DSP: variants seen among roughly 807,000 people sequenced by gnomAD.
The protein encoded by DSP is 250/210 kDa paraneoplastic pemphigus antigen.
DSP carries 114 observed loss-of-function variants against 290.6 expected under a neutral mutation model. The ratio of observed to expected loss-of-function variants is 0.39; its 90% CI spans 0.34 to 0.46. DSP has a LOEUF of 0.46. Among genes scored for constraint, DSP ranks in the 20% least tolerant of loss-of-function variants. The pLI is 0.99. For synonymous variants in DSP, 1,311 were observed against 1,316.4 expected (o/e 1.00, Z 0.09); for missense variants, 3,230 against 3,495.8 (o/e 0.92, Z 1.92).
At position 7,583,634 on chromosome 6, in the gene DSP, G is replaced by T. The variant is rs2113700140; in HGVS notation, c.6372G>T (p.Leu2124=). Residue 2124 remains leucine (L), a synonymous_variant, in exon 24 of 24, where the codon CTG becomes CTT. Transcript: ENST00000379802. The surrounding 1 kb of genome is among the most constrained non-coding windows in gnomAD (Gnocchi z 4.0). Reference sequence around the variant, plus strand: ...TTGATAGAGAAACCGGAATGCGCCTGCTGGAAGCCCAGATTGCTTCAGGGG... The same window carrying T: ...TTGATAGAGAAACCGGAATGCGCCTTCTGGAAGCCCAGATTGCTTCAGGGG... The part of the protein sequence containing the change: ...NLIDRETGMR[L]LEAQIASGGV... 2 of 1,614,202 alleles carry T rather than the reference G, an allele frequency of 1.2e-6. No homozygotes were observed.
rs1276338018 is a variant in DSP at position 7,569,334 on chromosome 6, C to T, written c.1568C>T (p.Ser523Phe). Reference sequence around the variant, plus strand: ...CCGAACCCACTGGCCGTGGACCTCTCTTGCAAGTAAGTCATCCAAGTTCCC... The same window carrying T: ...CCGAACCCACTGGCCGTGGACCTCTTTTGCAAGTAAGTCATCCAAGTTCCC... ...PPPNPLAVDLSCKIEQYYEAI... is the reference protein window; with the variant it reads ...PPPNPLAVDLFCKIEQYYEAI... The change falls in exon 12 of 24, where the codon TCT becomes TTT. Residue 523 changes from serine to phenylalanine, a missense_variant. Around this residue, in one of 5 missense-constraint regions of DSP, gnomAD observed 646 missense variants for 684.3 expected, o/e 0.94. Coordinates refer to ENST00000379802, the MANE Select transcript of DSP (RefSeq NM_004415.4). 1.2e-6 allele frequency: 2 copies of T among 1,614,190 alleles called. No homozygotes were observed. Among genetic ancestry groups the T allele is most frequent in the Admixed American group, 3.3e-5 (2 of 60,030 alleles).
chr6:7,586,116 G>T lies in DSP; in HGVS notation c.*238G>T, dbSNP rs775923330. 4.0e-6 allele frequency: 2 copies of T among 496,488 alleles called. No individual in the cohort carries two copies. Among genetic ancestry groups the T allele is most frequent in the Non-Finnish European group, 7.1e-6 (2 of 282,176 alleles). 30.8% of individuals were successfully genotyped at this position (496,488 alleles called of 1,614,324 possible). On this transcript the variant is annotated 3_prime_UTR_variant, in exon 24 of 24. Transcript: ENST00000379802. ...AGTGCGTCTGAAGTGCTAATCAGTT[G>T]TAACAATAGCACAAATCGAACTTAG...
At chr6:7,558,679 T>TA (rs1308943983) in intron 3 of DSP, among the ~76,000 whole-genome samples, 3 of 151,712 alleles carry the variant, frequency 2.0e-5, no homozygotes, top group South Asian at 2.1e-4. Context: ...CCTAGCAAAT[T>TA]AAAAAAAAAT....
Position 7,567,923 on chromosome 6 carries a change from A to C in DSP, c.1266+17A>C. 1.2e-6 allele frequency: 2 copies of C among 1,612,798 alleles called. No individual in the cohort carries two copies. The highest frequency in any genetic ancestry group is 1.7e-6 in the Non-Finnish European group (2 of 1,179,608). ...GAGCTGGAGGTATCGTCTCAGACCC[A>C]GAACCTCAGCAGCTGTGCCTGATCA... is the stretch of plus-strand genomic sequence containing the variant. On this transcript the variant is annotated intron_variant, in intron 10 of 23. Transcript: ENST00000379802.
At chr6:7,546,171 A>G (rs1998323) in intron 1 of DSP, among the ~76,000 whole-genome samples, 95,377 of 152,026 alleles carry the variant, frequency 0.63, 30,450 homozygotes, top group African/African-American at 0.72. Flanking sequence ...GGGTGAGGGC[A>G]GTGGATGGAA....
In DSP at chr6:7,565,150, A is replaced by G. The variant is rs1758820365; in HGVS notation, c.778-209A>G. ...GAGACGAGAGCGACAGTCCGTCTCA[A>G]AAAAAAAAAAGTTGCTGCCTTCTTG... On this transcript the variant is annotated intron_variant, in intron 6 of 23. Coordinates refer to ENST00000379802, the MANE Select transcript of DSP (RefSeq NM_004415.4). The surrounding 1 kb of genome is among the most constrained non-coding windows in gnomAD (Gnocchi z 4.2). Among the ~76,000 whole-genome samples, 1 of 149,978 alleles carries G rather than the reference A, an allele frequency of 6.7e-6. No individual in the cohort carries two copies. The highest frequency in any genetic ancestry group is 2.4e-5 in the African/African-American group (1 of 41,078).
chr6:7,567,507 A>G, intron 9 of DSP, 58 bp downstream of exon 9: 4 of 1,410,088 alleles, frequency 2.8e-6, no homozygotes, highest in Non-Finnish European at 4.0e-6. Flanking sequence ...TAATCTTTTG[A>G]GTGTGTTTTA....
At position 7,555,798 on chromosome 6, in the gene DSP, G is replaced by A. The variant is rs373736975; in HGVS notation, c.251G>A (p.Arg84Gln). 33 of 1,614,020 alleles carry A rather than the reference G, an allele frequency of 2.0e-5. No individual in the cohort carries two copies. The African/African-American group carries it at 2.1e-4, about 10-fold the overall frequency. ...CAGAACTGCTCCGACTGCTTGATGC[G>A]AGCAGAGCTCATCGTGCAGCCTGTA... ...LLQNCSDCLM[R>Q]AELIVQPELK... The change falls in exon 2 of 24, where the codon CGA (arginine) becomes CAA (glutamine). Residue 84 changes from arginine to glutamine, a missense_variant. By Grantham distance (43) the Arg-to-Gln change is conservative. Around this residue, in one of 5 missense-constraint regions of DSP, gnomAD observed 646 missense variants for 684.3 expected, o/e 0.94. Transcript: ENST00000379802.
intron 1 of DSP, among the ~76,000 whole-genome samples, chr6:7,546,510 C>T (rs1434278793): frequency 1.3e-5 from 2 of 152,162 alleles, no homozygotes; most frequent in African/African-American, 4.8e-5. Flanking sequence ...TCCCAGTTTA[C>T]AGATGGGAAG....
chr6:7,567,291 C>T (rs906637652), intron 8 of DSP, 63 bp from the exon 9 acceptor site: 22 of 1,276,732 alleles, frequency 1.7e-5, no homozygotes, highest in Non-Finnish European at 2.4e-5. Context: ...TCACCTATCT[C>T]TTGGTGTTCA....
At chr6:7,562,501 T>G (rs1758726452) in intron 4 of DSP, 151 bp from the exon 5 acceptor site, 3 of 1,391,742 alleles carry the variant, frequency 2.2e-6, no homozygotes, top group Non-Finnish European at 3.0e-6. Flanking sequence ...CATTAGCCAT[T>G]TGGGAACCTT....
In DSP at chr6:7,580,413, A is replaced by G. The variant is rs1561698582; in HGVS notation, c.4223A>G (p.Glu1408Gly). The G allele has an allele frequency of 6.2e-7, 1 of 1,614,110 alleles. No individual in the cohort carries two copies. Among genetic ancestry groups the G allele is most frequent in the Non-Finnish European group, 8.5e-7 (1 of 1,180,020 alleles). Residue 1408 changes from glutamate to glycine, a missense_variant, in exon 23 of 24, where the codon GAA becomes GGA. Transcript: ENST00000379802. The surrounding 1 kb of genome is among the most constrained non-coding windows in gnomAD (Gnocchi z 4.2). ...LTRENRSLSE[E>G]IKRLKNTLTQ... ...CGAGAAAACAGGAGCTTATCTGAAGAAATAAAGAGGCTGAAGAACACTCTA... is the reference window on the plus strand; with the variant it reads ...CGAGAAAACAGGAGCTTATCTGAAGGAATAAAGAGGCTGAAGAACACTCTA...
chr6:7,583,859 C>T lies in DSP; in HGVS notation c.6597C>T (p.Leu2199=), dbSNP rs567782337. 10 of 1,614,020 alleles carry T rather than the reference C, an allele frequency of 6.2e-6. No homozygotes were observed. Among genetic ancestry groups the T allele is most frequent in the African/African-American group, 1.3e-5 (1 of 74,918 alleles). Residue 2199 remains leucine (L), a synonymous_variant, in exon 24 of 24, where the codon CTC becomes CTT. Coordinates refer to ENST00000379802, the MANE Select transcript of DSP (RefSeq NM_004415.4). This position sits in a 1 kb window ranked among gnomAD's most constrained non-coding sequence, Gnocchi z 4.0. ...GAATCGAACCACATACTGGTCTGCT[C>T]TTGCTTTCAGTACAGAAGAGAAGCA... ...RCRIEPHTGL[L]LLSVQKRSMS...
intron 1 of DSP, among the ~76,000 whole-genome samples, chr6:7,546,490 A>G (rs765072226): frequency 9.2e-5 from 14 of 152,236 alleles, no homozygotes; most frequent in Non-Finnish European, 1.5e-4. Context: ...CTCAAGCCTC[A>G]TAACAAACTT....
At position 7,546,750 on chromosome 6, in the gene DSP, T is replaced by C. The variant is rs567462530; in HGVS notation, c.170+4665T>C. Among the ~76,000 whole-genome samples, 21 of 152,366 alleles carry C rather than the reference T, an allele frequency of 1.4e-4. No homozygotes were observed. In the South Asian group the frequency reaches 4.4e-3, roughly 32 times the overall value. ...GAAATATTTCATAATCATTGTATTCTTTCATTAATACTCTTGTAGAGTTTC... is the reference window on the plus strand; with the variant it reads ...GAAATATTTCATAATCATTGTATTCCTTCATTAATACTCTTGTAGAGTTTC... On this transcript the variant is annotated intron_variant, in intron 1 of 23. Transcript: ENST00000379802.
Position 7,541,949 on chromosome 6 carries a change from AAC to A in DSP, c.37_38del (p.Thr13SerfsTer79). The A allele has an allele frequency of 1.9e-6, 3 of 1,604,828 alleles. No individual in the cohort carries two copies. Among genetic ancestry groups the A allele is most frequent in the Non-Finnish European group, 2.5e-6 (3 of 1,176,856 alleles). ...SCNGGSHPRI[N>X]TLGRMIRAES... ...CAACGGAGGCTCCCACCCGCGGATC[AAC>A]ACTCTGGGCCGCATGATCCGCGCCG... On this transcript the variant is annotated frameshift_variant, in exon 1 of 24. Coordinates refer to ENST00000379802, the MANE Select transcript of DSP (RefSeq NM_004415.4). LOFTEE classifies it high-confidence loss of function.
rs10545097 is a variant in DSP at position 7,582,139 on chromosome 6, GGTGT to G, written c.5380-478_5380-475del. Among the ~76,000 whole-genome samples, 29,598 of 143,614 alleles carry G rather than the reference GGTGT, an allele frequency of 0.21. 3,409 individuals carry two copies. Among genetic ancestry groups the G allele is most frequent in the African/African-American group, 0.31 (12,236 of 39,380 alleles). The allele number at this position is 143,614 out of a possible 152,430, so 94.2% of individuals were successfully genotyped here. A position where few individuals can be genotyped will look rare whatever the true frequency, so the allele number is the denominator to read the frequency against. On this transcript the variant is annotated intron_variant, in intron 23 of 23. Transcript: ENST00000379802. The surrounding 1 kb of genome is among the most constrained non-coding windows in gnomAD (Gnocchi z 4.2). ...GACAATATTTGTGTGTGGCTGGGTT[GGTGT>G]GTGTGTGTGTGTGTGTGTGTGTGTA...
At position 7,581,570 on chromosome 6, in the gene DSP, G is replaced by A. The variant is rs1759442943; in HGVS notation, c.5379+1G>A. ...GAAATTCCAAAAGCAGGCTTTAGAG[G>A]TATTCACAAATACTTGATCACAGCT... On this transcript the variant is annotated splice_donor_variant, in intron 23 of 23. Coordinates refer to ENST00000379802, the MANE Select transcript of DSP (RefSeq NM_004415.4). LOFTEE classifies it high-confidence loss of function. 1 of 1,612,656 alleles carries A rather than the reference G, an allele frequency of 6.2e-7. No homozygotes were observed. The highest frequency in any genetic ancestry group is 8.5e-7 in the Non-Finnish European group (1 of 1,180,012).
intron 3 of DSP, among the ~76,000 whole-genome samples, chr6:7,558,856 C>T (rs1049628204): frequency 6.6e-6 from 1 of 151,984 alleles, no homozygotes; most frequent in Non-Finnish European, 1.5e-5. Context: ...AAATGAGACC[C>T]TTAGAGTTGG....
Sources: allele counts gnomAD v4.1 joint callset (sites outside exome capture counted in the v4.1 genomes callset), GRCh38; gene constraint gnomAD v4.1.1; regional missense constraint gnomAD v4.1.1; non-coding constraint Gnocchi (gnomAD v3.1); transcripts MANE v1.5; gene names NCBI Gene and HGNC (gene_info 2026-07-23, HGNC 2026-07-21).